PRDM16: variants seen among roughly 807,000 people sequenced by gnomAD.
PRDM16 encodes the protein PR/SET domain 16.
PRDM16 carries 23 observed loss-of-function variants against 110.6 expected under a neutral mutation model. That is an observed-to-expected ratio of 0.21 (90% CI 0.15 to 0.29). The LOEUF (loss-of-function observed/expected upper bound fraction) is 0.29, where lower values mean the gene tolerates loss of function less well. Ranked by LOEUF, PRDM16 falls within the 10% of genes least tolerant of loss-of-function variation. The pLI is 1.00. For synonymous variants in PRDM16, 799 were observed against 781.8 expected (o/e 1.02, Z -0.37); for missense variants, 1,615 against 1,794.3 (o/e 0.90, Z 1.81).
intron 1 of PRDM16, among the ~76,000 whole-genome samples, chr1:3,151,332 G>A (rs1222400411): frequency 6.6e-6 from 1 of 152,218 alleles, no homozygotes; most frequent in African/African-American, 2.4e-5. Flanking sequence ...TCTTCCTTGG[G>A]TTAGGGATTA....
chr1:3,275,079 G>C (rs935930822), intron 3 of PRDM16, among the ~76,000 whole-genome samples: 11 of 152,254 alleles, frequency 7.2e-5, no homozygotes, highest in African/African-American at 2.7e-4. Flanking sequence ...AGGTGCGCCT[G>C]GCAGAGCCAT....
chr1:3,251,447 G>C (rs1237742133), intron 3 of PRDM16, among the ~76,000 whole-genome samples: 1 of 152,178 alleles, frequency 6.6e-6, no homozygotes, highest in African/African-American at 2.4e-5. Context: ...CTCTTTACTA[G>C]GTGTGGGAAC....
chr1:3,328,987 C>T (rs1268046802), intron 3 of PRDM16, among the ~76,000 whole-genome samples: 1 of 152,150 alleles, frequency 6.6e-6, no homozygotes, highest in Non-Finnish European at 1.5e-5. Context: ...CCCTCCCAGG[C>T]CAGAGGAGAA....
chr1:3,114,186 C>CGCGCA (rs1642867849), intron 1 of PRDM16, among the ~76,000 whole-genome samples: 2 of 91,954 alleles, frequency 2.2e-5, no homozygotes, highest in African/African-American at 1.0e-4. Flanking sequence ...CACACACACG[C>CGCGCA]ACACACGCAC....
At chr1:3,345,060 G>A (rs1013282792) in intron 3 of PRDM16, among the ~76,000 whole-genome samples, 9 of 152,196 alleles carry the variant, frequency 5.9e-5, no homozygotes, top group African/African-American at 2.2e-4. Flanking sequence ...CAGATGCTCT[G>A]ACAGCCTCAC....
intron 1 of PRDM16, among the ~76,000 whole-genome samples, chr1:3,164,414 G>A (rs555406608): frequency 3.9e-5 from 6 of 152,292 alleles, no homozygotes; most frequent in East Asian, 1.9e-4. Context: ...TTCCCAGCTC[G>A]CTCGGACCCA....
At chr1:3,346,742 C>A (rs1393296712) in intron 3 of PRDM16, among the ~76,000 whole-genome samples, 1 of 152,170 alleles carries the variant, frequency 6.6e-6, no homozygotes, top group African/African-American at 2.4e-5. Flanking sequence ...CAGCACCCAC[C>A]CCACTGTGAG....
chr1:3,405,306 G>A (rs541335526), intron 7 of PRDM16, among the ~76,000 whole-genome samples, 189 bp from the exon 8 acceptor site: 4 of 152,196 alleles, frequency 2.6e-5, no homozygotes, highest in Non-Finnish European at 5.9e-5. Flanking sequence ...GAGGCTCTGC[G>A]GCTCACTTAA....
intron 3 of PRDM16, among the ~76,000 whole-genome samples, chr1:3,357,769 C>G (rs1350048300): frequency 6.6e-6 from 1 of 152,252 alleles, no homozygotes; most frequent in East Asian, 1.9e-4. Flanking sequence ...CTGGCAACAC[C>G]TGGAGATGGT....
rs574215274 is a variant in PRDM16 at position 3,399,689 on chromosome 1, A to AT, written c.677-3097dup. 7.9e-5 allele frequency among the ~76,000 whole-genome samples: 12 copies of AT among 152,304 alleles called. No individual in the cohort carries two copies. The South Asian group carries it at 2.5e-3, about 32-fold the overall frequency. ...GACTGCATTCTCATTTGCAATCTAA[A>AT]TTTTTATTTTCATCCCAAATTCTAA... On this transcript the variant is annotated intron_variant, in intron 5 of 16. Coordinates refer to ENST00000270722, the MANE Select transcript of PRDM16 (RefSeq NM_022114.4).
chr1:3,115,477 A>G (rs1642935399), intron 1 of PRDM16, among the ~76,000 whole-genome samples: 1 of 152,198 alleles, frequency 6.6e-6, no homozygotes, highest in Admixed American at 6.5e-5. Flanking sequence ...CGGACTTTGC[A>G]CTCTGAGGAT....
intron 1 of PRDM16, among the ~76,000 whole-genome samples, chr1:3,120,486 T>C: frequency 6.6e-6 from 1 of 152,098 alleles, no homozygotes; most frequent in South Asian, 2.1e-4. Flanking sequence ...CCACTTCAAG[T>C]GTGCACCAGG....
chr1:3,227,897 G>A (rs1024075681), intron 2 of PRDM16, among the ~76,000 whole-genome samples: 14 of 152,030 alleles, frequency 9.2e-5, no homozygotes, highest in African/African-American at 3.1e-4. Flanking sequence ...TTTCCATCAC[G>A]ACAAGTGCCA....
Position 3,417,825 on chromosome 1 carries a change from C to T in PRDM16, c.2692-3C>T, listed in dbSNP as rs1344495643. 12 of 1,613,498 alleles carry T rather than the reference C, an allele frequency of 7.4e-6. No individual in the cohort carries two copies. The highest frequency in any genetic ancestry group is 1.0e-5 in the Non-Finnish European group (12 of 1,179,706). On this transcript the variant is annotated splice_region_variant and splice_polypyrimidine_tract_variant and intron_variant, in intron 10 of 16. Transcript: ENST00000270722. Reference sequence around the variant, plus strand: ...CCATAACCTCCCACTCTTATGCCTACAGATGTCAGCCATAGAGACCATGAC... The same window carrying T: ...CCATAACCTCCCACTCTTATGCCTATAGATGTCAGCCATAGAGACCATGAC...
intron 3 of PRDM16, among the ~76,000 whole-genome samples, chr1:3,293,708 G>T (rs1253995171): frequency 2.6e-5 from 4 of 152,228 alleles, no homozygotes; most frequent in Non-Finnish European, 5.9e-5. Flanking sequence ...AGCTTGTTGA[G>T]CAGGATTTAT....
intron 2 of PRDM16, among the ~76,000 whole-genome samples, chr1:3,235,436 C>A (rs1639515732): frequency 6.6e-6 from 1 of 152,182 alleles, no homozygotes; most frequent in Non-Finnish European, 1.5e-5. Context: ...CATCAATCTT[C>A]CGGAAGCAGA....
intron 3 of PRDM16, among the ~76,000 whole-genome samples, chr1:3,270,550 C>T (rs1471419982): frequency 6.8e-6 from 1 of 147,748 alleles, no homozygotes; most frequent in East Asian, 2.1e-4. Flanking sequence ...TGGAGGAAGA[C>T]AGTCAAGAGG....
rs1364739535 is a variant in PRDM16 at position 3,217,768 on chromosome 1, C to T, written c.388-26319C>T. 2.0e-5 allele frequency among the ~76,000 whole-genome samples: 3 copies of T among 152,182 alleles called. No homozygotes were observed. The South Asian group carries it at 6.2e-4, about 31-fold the overall frequency. On this transcript the variant is annotated intron_variant, in intron 2 of 16. Transcript: ENST00000270722. ...TCTTGAGAAACTCAGCCCAGTTTTC[C>T]TTGAGGCCCTGCGAGTTTCATTTTG...
intron 3 of PRDM16, among the ~76,000 whole-genome samples, chr1:3,294,510 G>A (rs1053402517): frequency 6.6e-6 from 1 of 152,068 alleles, no homozygotes; most frequent in African/African-American, 2.4e-5. Flanking sequence ...TCAGTGTCCA[G>A]CCCCTCTGCC....
Sources: allele counts gnomAD v4.1 joint callset (sites outside exome capture counted in the v4.1 genomes callset), GRCh38; gene constraint gnomAD v4.1.1; transcripts MANE v1.5; gene names NCBI Gene and HGNC (gene_info 2026-07-23, HGNC 2026-07-21).